KANSL1L: variants seen among roughly 807,000 people sequenced by gnomAD.
KANSL1L encodes the protein KAT8 regulatory NSL complex subunit 1 like.
In KANSL1L, 25 loss-of-function variants were observed where a neutral mutation model predicts 108.6. That is an observed-to-expected ratio of 0.23 (90% CI 0.17 to 0.32). The LOEUF (loss-of-function observed/expected upper bound fraction) is 0.32. Ranked by LOEUF, KANSL1L falls within the 10% of genes least tolerant of loss-of-function variation. KANSL1L has a pLI of 1.00. For synonymous variants in KANSL1L, 405 were observed against 395.1 expected (o/e 1.03, Z -0.30); for missense variants, 1,137 against 1,125.7 (o/e 1.01, Z -0.14).
At chr2:210,144,568 CTGTT>C in intron 2 of KANSL1L, among the ~76,000 whole-genome samples, 1 of 152,218 alleles carries the variant, frequency 6.6e-6, no homozygotes, top group East Asian at 1.9e-4. Flanking sequence ...ATTCTTTCTT[CTGTT>C]TGATCAATTC....
intron 6 of KANSL1L, among the ~76,000 whole-genome samples, chr2:210,069,995 A>G (rs1469126059): frequency 6.7e-6 from 1 of 150,214 alleles, no homozygotes; most frequent in East Asian, 2.0e-4. Flanking sequence ...CACCCGGCTA[A>G]CTTTTGTATT....
Position 210,040,471 on chromosome 2 carries a change from T to C in KANSL1L, c.1978A>G (p.Asn660Asp). 6.4e-7 allele frequency: 1 copy of C among 1,568,978 alleles called. No individual in the cohort carries two copies. The highest frequency in any genetic ancestry group is 2.3e-5 in the East Asian group (1 of 44,426). ...TLLKKTEIKGNLAENKFVDEY... is the reference protein window; with the variant it reads ...TLLKKTEIKGDLAENKFVDEY... ...TCTACAAATTTATTTTCAGCAAGAT[T>C]GCCTTTTATTTCAGTCTTTTTTAAC... The change falls in exon 8 of 15, where the codon AAT (asparagine) becomes GAT (aspartate). Residue 660 changes from asparagine to aspartate, a missense_variant. Asn to Asp is a conservative substitution (Grantham distance 23). Transcript: ENST00000281772.
At chr2:210,065,509 G>A (rs1484236136) in intron 6 of KANSL1L, among the ~76,000 whole-genome samples, 3 of 150,856 alleles carry the variant, frequency 2.0e-5, no homozygotes, top group Non-Finnish European at 4.4e-5. Context: ...ATCTAAGGAT[G>A]AGACTGTAAG....
chr2:210,125,900 C>G (rs2095061527), intron 3 of KANSL1L, among the ~76,000 whole-genome samples: 1 of 152,126 alleles, frequency 6.6e-6, no homozygotes, highest in African/African-American at 2.4e-5. Flanking sequence ...TGAACCATTT[C>G]TCCTCTTAAG....
Position 210,079,648 on chromosome 2 carries a change from A to ATATATGTGTGTG in KANSL1L, c.1551-3893_1551-3892insCACACACATATA, listed in dbSNP as rs1164689592. ...TATATATATATATATATATATATAT[A>ATATATGTGTGTG]TATATATATATATATATGTATGTGT... On this transcript the variant is annotated intron_variant, in intron 5 of 14. Transcript: ENST00000281772. Among the ~76,000 whole-genome samples the ATATATGTGTGTG allele has an allele frequency of 8.8e-3, 134 of 15,188 alleles. 6 individuals are homozygous for ATATATGTGTGTG. Among genetic ancestry groups the ATATATGTGTGTG allele is most frequent in the Non-Finnish European group, 0.013 (110 of 8,344 alleles). 10.0% of individuals were successfully genotyped at this position (15,188 alleles called of 152,430 possible).
intron 10 of KANSL1L, 74 bp downstream of exon 10, chr2:210,029,729 A>T (rs1214055482): frequency 1.3e-6 from 1 of 747,132 alleles, no homozygotes; most frequent in African/African-American, 1.8e-5. Context: ...GATTAGCAAA[A>T]TATAAATTAT....
chr2:210,094,648 T>C (rs915332149), intron 5 of KANSL1L, among the ~76,000 whole-genome samples: 2 of 152,080 alleles, frequency 1.3e-5, no homozygotes, highest in Non-Finnish European at 2.9e-5. Flanking sequence ...TTTAAAAATC[T>C]ATAGTAATAT....
In KANSL1L at chr2:210,169,690, A is replaced by T. The variant is rs1255803964; in HGVS notation, c.-30+1459T>A. On this transcript the variant is annotated intron_variant, in intron 1 of 14. Coordinates refer to ENST00000281772, the MANE Select transcript of KANSL1L (RefSeq NM_152519.4). ...GTTTGCGGGAGAGAATAATCTATGTAGATTAAAACCATGAGGAAATGGTTG... is the reference window on the plus strand; with the variant it reads ...GTTTGCGGGAGAGAATAATCTATGTTGATTAAAACCATGAGGAAATGGTTG... Among the ~76,000 whole-genome samples the T allele has an allele frequency of 2.0e-5, 3 of 152,378 alleles. No individual in the cohort carries two copies. The East Asian group carries it at 5.8e-4, about 29-fold the overall frequency.
chr2:210,031,395 C>T (rs763728485), intron 9 of KANSL1L, 26 bp downstream of exon 9: 11 of 1,509,096 alleles, frequency 7.3e-6, no homozygotes, highest in Non-Finnish European at 9.1e-6. Context: ...TTTATCACTA[C>T]TGCTTATATC....
rs1351466409 is a variant in KANSL1L at position 210,022,847 on chromosome 2, G to T, written c.*102C>A. ...TAAACAGCATAAAAGATTAATACAT[G>T]CAGAACATGCTCTTATTCTGGAGGG... On this transcript the variant is annotated 3_prime_UTR_variant, in exon 15 of 15. Coordinates refer to ENST00000281772, the MANE Select transcript of KANSL1L (RefSeq NM_152519.4). 1.2e-5 allele frequency: 9 copies of T among 772,390 alleles called. No homozygotes were observed. The highest frequency in any genetic ancestry group is 1.9e-5 in the Non-Finnish European group (9 of 467,732). The allele number at this position is 772,390 out of a possible 1,614,324, so 47.8% of individuals were successfully genotyped here. A position where few individuals can be genotyped will look rare whatever the true frequency, so the allele number is the denominator to read the frequency against.
At chr2:210,055,472 C>G (rs1478938792) in intron 6 of KANSL1L, among the ~76,000 whole-genome samples, 1 of 152,096 alleles carries the variant, frequency 6.6e-6, no homozygotes, top group African/African-American at 2.4e-5. Flanking sequence ...CAGAAGAGAA[C>G]AGAAAAATAT....
intron 5 of KANSL1L, among the ~76,000 whole-genome samples, chr2:210,078,784 A>G (rs2094559678): frequency 6.6e-6 from 1 of 152,182 alleles, no homozygotes; most frequent in African/African-American, 2.4e-5. Flanking sequence ...TGCCTCTGTA[A>G]TCTAATGCTT....
intron 2 of KANSL1L, among the ~76,000 whole-genome samples, chr2:210,147,753 T>C (rs1461024142): frequency 2.0e-5 from 3 of 152,170 alleles, no homozygotes; most frequent in Non-Finnish European, 4.4e-5. Context: ...GTTACTCTTG[T>C]TTGCAATTAA....
chr2:210,117,126 T>C (rs1464954706), intron 3 of KANSL1L, among the ~76,000 whole-genome samples: 1 of 152,118 alleles, frequency 6.6e-6, no homozygotes, highest in Non-Finnish European at 1.5e-5. Context: ...ATAGAGTCTC[T>C]TAACAGCAGG....
chr2:210,037,632 C>T, intron 8 of KANSL1L, among the ~76,000 whole-genome samples: 1 of 152,152 alleles, frequency 6.6e-6, no homozygotes, highest in Non-Finnish European at 1.5e-5. Flanking sequence ...ACCTATCCTT[C>T]CGTCTCAGCA....
At chr2:210,058,887 C>T (rs531649371) in intron 6 of KANSL1L, among the ~76,000 whole-genome samples, 15 of 143,960 alleles carry the variant, frequency 1.0e-4, no homozygotes, top group African/African-American at 2.1e-4. Flanking sequence ...GGGGGCATCA[C>T]GGAACCTGCC....
chr2:210,157,944 G>A lies in KANSL1L; in HGVS notation c.-29-3333C>T, dbSNP rs961912734. Among the ~76,000 whole-genome samples, 3 of 151,972 alleles carry A rather than the reference G, an allele frequency of 2.0e-5. No homozygotes were observed. The East Asian group carries it at 5.8e-4, about 29-fold the overall frequency. The stretch of plus-strand genomic sequence containing the variant: ...GATTAGTATTTAAGAAATACAATTC[G>A]TAGCAAAAAGAGAAAGGGAAAAAAT... On this transcript the variant is annotated intron_variant, in intron 1 of 14. Coordinates refer to ENST00000281772, the MANE Select transcript of KANSL1L (RefSeq NM_152519.4).
intron 6 of KANSL1L, among the ~76,000 whole-genome samples, chr2:210,054,023 T>C (rs1055136754): frequency 2.0e-5 from 3 of 151,738 alleles, no homozygotes; most frequent in African/African-American, 4.8e-5. Context: ...TAAATGTAAA[T>C]TGAAACTAGA....
intron 7 of KANSL1L, among the ~76,000 whole-genome samples, chr2:210,041,128 T>G (rs1420225495): frequency 6.6e-6 from 1 of 152,222 alleles, no homozygotes; most frequent in East Asian, 1.9e-4. Context: ...TAGTTTTGTT[T>G]TTAAATAGAG....
Sources: gnomAD v4.1 joint callset for allele counts (sites outside exome capture counted in the v4.1 genomes callset) on GRCh38, gnomAD v4.1.1 for gene constraint, MANE v1.5 for transcripts, NCBI Gene and HGNC (gene_info 2026-07-23, HGNC 2026-07-21) for gene names.